ZPBP: variants seen among roughly 807,000 people sequenced by gnomAD.
ZPBP encodes the protein zona pellucida binding protein.
Under a neutral mutation model 44.8 loss-of-function variants are expected in ZPBP, and 26 were observed. The observed-to-expected ratio is 0.58, with a 90% CI of 0.43 to 0.81. The LOEUF (loss-of-function observed/expected upper bound fraction) is 0.81, where lower values mean the gene tolerates loss of function less well. Among genes scored for constraint, ZPBP ranks in the 30% least tolerant of loss-of-function variants. The pLI is 0.00. For synonymous variants in ZPBP, 174 were observed against 153.2 expected, an observed-to-expected ratio of 1.14 and a Z score of -1.00; for missense variants, 409 against 434.0, an observed-to-expected ratio of 0.94 and a Z score of 0.51.
chr7:50,047,914 A>G (rs544577806), intron 4 of ZPBP, among the ~76,000 whole-genome samples: 8 of 152,304 alleles, frequency 5.3e-5, no homozygotes, highest in Middle Eastern at 3.4e-3. Context: ...CCACTGCACA[A>G]TGAGAAATAT....
downstream of ZPBP, chr7:49,936,294 C>T (rs1794618418): frequency 6.6e-6 from 1 of 152,036 alleles, no homozygotes; most frequent in Admixed American, 6.6e-5. Flanking sequence ...TGATGAAAAC[C>T]CAAGGAATTT....
At chr7:49,954,894 G>A (rs1795510699) in intron 7 of ZPBP, among the ~76,000 whole-genome samples, 1 of 152,078 alleles carries the variant, frequency 6.6e-6, no homozygotes, top group African/African-American at 2.4e-5. Context: ...TTATTCATGG[G>A]AGCATATAAC....
At chr7:50,057,952 T>C in intron 4 of ZPBP, 37 bp downstream of exon 4, 1 of 1,573,218 alleles carries the variant, frequency 6.4e-7, no homozygotes, top group Non-Finnish European at 8.7e-7. Flanking sequence ...TTAAAATCAT[T>C]AAGAAAGGTT....
chr7:49,943,195 C>A, intron 7 of ZPBP: 1 of 313,048 alleles, frequency 3.2e-6, no homozygotes. Flanking sequence ...TCAGCATTCT[C>A]CCAAGAATTA....
intron 1 of ZPBP, among the ~76,000 whole-genome samples, chr7:49,929,306 A>C (rs1346572743): frequency 6.6e-6 from 1 of 152,220 alleles, no homozygotes; most frequent in East Asian, 1.9e-4. Flanking sequence ...GCACCTCCGC[A>C]TCTTTTGTCA....
chr7:50,033,678 G>GTTTGTTTATTTATTTATTTATTTATTTA (rs143206693), intron 4 of ZPBP, among the ~76,000 whole-genome samples: 1 of 148,714 alleles, frequency 6.7e-6, no homozygotes, highest in Non-Finnish European at 1.5e-5. Context: ...TCTTTCTACA[G>GTTTGTTTATTTATTTATTTATTTATTTA]TTTATTTATT....
At chr7:49,846,801 A>T (rs919045216), downstream of ZPBP, among the ~76,000 whole-genome samples, 3 of 152,196 alleles carry the variant, frequency 2.0e-5, no homozygotes, top group African/African-American at 7.2e-5. Context: ...TCCTTTATAC[A>T]TATGTAAATT....
At chr7:49,907,555 G>A (rs187673687) in intron 1 of ZPBP, among the ~76,000 whole-genome samples, 1 of 152,304 alleles carries the variant, frequency 6.6e-6, no homozygotes, top group East Asian at 1.9e-4. Flanking sequence ...TTTATTCTGA[G>A]CCAAATATGA....
intron 2 of ZPBP, among the ~76,000 whole-genome samples, chr7:49,873,555 G>C (rs1055508397): frequency 1.3e-5 from 2 of 152,194 alleles, no homozygotes; most frequent in Non-Finnish European, 2.9e-5. Context: ...GTAAAGAAAT[G>C]ATGGTGCACA....
chr7:50,083,702 T>C (rs1802487837), intron 2 of ZPBP, among the ~76,000 whole-genome samples: 2 of 151,880 alleles, frequency 1.3e-5, no homozygotes, highest in Admixed American at 1.3e-4. Context: ...CTGATATATA[T>C]GTGGTAGACA....
intron 7 of ZPBP, among the ~76,000 whole-genome samples, chr7:49,975,459 T>C (rs1796470515): frequency 6.6e-6 from 1 of 152,160 alleles, no homozygotes; most frequent in African/African-American, 2.4e-5. Flanking sequence ...CCAGTGGGAA[T>C]GGGTATCACA....
chr7:50,054,491 G>A (rs920140759), intron 4 of ZPBP, among the ~76,000 whole-genome samples: 19 of 152,042 alleles, frequency 1.2e-4, no homozygotes, highest in Admixed American at 1.1e-3. Flanking sequence ...ATTAAGCAGT[G>A]TATATTAAAG....
intron 7 of ZPBP, among the ~76,000 whole-genome samples, chr7:49,980,760 G>A (rs1334994140): frequency 6.6e-6 from 1 of 152,076 alleles, no homozygotes; most frequent in Admixed American, 6.6e-5. Context: ...CTCCCACTAC[G>A]CCTTACATCC....
At chr7:50,085,735 A>G (rs151179731) in intron 2 of ZPBP, among the ~76,000 whole-genome samples, 36 of 152,256 alleles carry the variant, frequency 2.4e-4, no homozygotes, top group Non-Finnish European at 4.3e-4. Flanking sequence ...TGACTGCCTG[A>G]TACACTGAGC....
At chr7:50,092,175 C>T (rs1353339561) in intron 1 of ZPBP, among the ~76,000 whole-genome samples, 2 of 152,182 alleles carry the variant, frequency 1.3e-5, no homozygotes, top group Non-Finnish European at 2.9e-5. Flanking sequence ...CCCTTTCACA[C>T]CTAATACACG....
chr7:49,961,775 G>A (rs1053331060), intron 7 of ZPBP, among the ~76,000 whole-genome samples: 9 of 152,192 alleles, frequency 5.9e-5, no homozygotes, highest in African/African-American at 2.2e-4. Context: ...ACTGAGGAGA[G>A]AGAGAAGACA....
Position 49,855,267 on chromosome 7 carries a change from T to A in ZPBP, n.510-4753A>T, listed in dbSNP as rs530063616. 1.0e-3 allele frequency among the ~76,000 whole-genome samples: 154 copies of A among 152,290 alleles called. 1 individual carries two copies. The highest frequency in any genetic ancestry group is 2.4e-3 in the Admixed American group (36 of 15,294). On this transcript the variant is annotated intron_variant and non_coding_transcript_variant, in intron 2 of 2. Coordinates refer to the ZPBP transcript ENST00000465922. ...ATAAATGGTTGAGGAAAACACTGGGTCATAGTTTATGGACGGTGTAGTCTC... is the reference window on the plus strand; with the variant it reads ...ATAAATGGTTGAGGAAAACACTGGGACATAGTTTATGGACGGTGTAGTCTC...
intron 2 of ZPBP, among the ~76,000 whole-genome samples, chr7:50,088,218 T>C (rs1249220122): frequency 2.0e-5 from 3 of 152,022 alleles, no homozygotes; most frequent in African/African-American, 7.2e-5. Context: ...AACAACTCGA[T>C]AGCCATGTGC....
intron 6 of ZPBP, among the ~76,000 whole-genome samples, chr7:50,004,490 G>A (rs894629959): frequency 2.6e-5 from 4 of 151,996 alleles, no homozygotes; most frequent in Non-Finnish European, 5.9e-5. Context: ...ACTGGATTTT[G>A]CCTTATAATT....
Sources: gnomAD v4.1 joint callset for allele counts (sites outside exome capture counted in the v4.1 genomes callset) on GRCh38, gnomAD v4.1.1 for gene constraint, MANE v1.5 for transcripts, NCBI Gene and HGNC (gene_info 2026-07-23, HGNC 2026-07-21) for gene names.